CTNNA2: variants seen among roughly 807,000 people sequenced by gnomAD.
The protein encoded by CTNNA2 is catenin alpha 2.
A neutral mutation model predicts 101.0 loss-of-function variants in CTNNA2; 42 were observed. The observed-to-expected ratio is 0.42, with a 90% CI of 0.32 to 0.54. CTNNA2 has a LOEUF of 0.54. CTNNA2 is among the 20% of genes least tolerant of loss of function. The pLI, the probability that CTNNA2 is intolerant of heterozygous loss-of-function variation, is 0.14. For synonymous variants in CTNNA2, 450 were observed against 456.4 expected (o/e 0.99, Z 0.18); for missense variants, 871 against 1,223.1 (o/e 0.71, Z 4.29).
At chr2:79,608,702 T>C (rs188420513) in intron 1 of CTNNA2, among the ~76,000 whole-genome samples, 100 of 152,234 alleles carry the variant, frequency 6.6e-4, no homozygotes, top group Middle Eastern at 6.8e-3. Context: ...TGAAAACTTA[T>C]ATTCATTCAT....
intron 7 of CTNNA2, among the ~76,000 whole-genome samples, chr2:80,165,443 C>T (rs1014012236): frequency 6.6e-6 from 1 of 151,980 alleles, no homozygotes; most frequent in East Asian, 1.9e-4. Context: ...ATATCTTCTA[C>T]TTCTTTGTTG....
chr2:79,979,999 C>G (rs1445134237), intron 7 of CTNNA2, among the ~76,000 whole-genome samples: 2 of 152,186 alleles, frequency 1.3e-5, no homozygotes, highest in African/African-American at 4.8e-5. Flanking sequence ...CCGATGACCT[C>G]TAAGTGCTTC....
chr2:80,635,568 T>C (rs1672783908), intron 18 of CTNNA2, among the ~76,000 whole-genome samples: 2 of 152,172 alleles, frequency 1.3e-5, no homozygotes, highest in Non-Finnish European at 2.9e-5. Flanking sequence ...TAAGAGCTCA[T>C]TCGTTATGAA....
chr2:80,602,744 AT>A (rs968478000), intron 15 of CTNNA2, among the ~76,000 whole-genome samples: 24 of 152,094 alleles, frequency 1.6e-4, no homozygotes, highest in African/African-American at 4.3e-4. Context: ...TACTGTCTGC[AT>A]TTTAAAATCT....
chr2:79,845,613 A>G (rs150303330), intron 3 of CTNNA2, among the ~76,000 whole-genome samples: 15 of 152,232 alleles, frequency 9.9e-5, no homozygotes, highest in African/African-American at 1.9e-4. Context: ...TTAAAAATGT[A>G]TTTTTGAGTT....
In CTNNA2 at chr2:80,604,609, A is replaced by G. The variant is rs188662559; in HGVS notation, c.2295+430A>G. On this transcript the variant is annotated intron_variant, in intron 16 of 18. Transcript: ENST00000402739. ...CTCTTTTGTTTACTTCATGGTGCTT[A>G]TCACATTTAAAAAATATATATTTAT... is the stretch of plus-strand genomic sequence containing the variant. Among the ~76,000 whole-genome samples, 153 of 152,134 alleles carry G rather than the reference A, an allele frequency of 1.0e-3. 1 individual carries two copies. The highest frequency in any genetic ancestry group is 3.1e-3 in the African/African-American group (127 of 41,530).
chr2:80,600,525 C>G (rs1452138093), intron 15 of CTNNA2, among the ~76,000 whole-genome samples: 1 of 151,694 alleles, frequency 6.6e-6, no homozygotes, highest in Non-Finnish European at 1.5e-5. Flanking sequence ...GAAACATATG[C>G]AAAAGATTTG....
chr2:79,598,463 G>A lies in CTNNA2; in HGVS notation c.-5-53089G>A, dbSNP rs2902076. 6.8e-3 allele frequency among the ~76,000 whole-genome samples: 1,035 copies of A among 152,300 alleles called. 10 individuals are homozygous for A. The highest frequency in any genetic ancestry group is 0.026 in the South Asian group (123 of 4,820). On this transcript the variant is annotated intron_variant, in intron 1 of 18. Transcript: ENST00000402739. ...AGAGTTCTTGTTGCTCCACATCCTC[G>A]CCAGCATTTGGTGCTGTCAGTGTTT...
intron 7 of CTNNA2, chr2:80,299,611 ACATGATGT>A (rs1337052334): frequency 1.3e-5 from 2 of 152,174 alleles, no homozygotes; most frequent in Non-Finnish European, 1.5e-5. Flanking sequence ...TCTTCTACAT[ACATGATGT>A]TTAATCATGG....
chr2:79,959,247 CT>C (rs1270022806), intron 7 of CTNNA2, among the ~76,000 whole-genome samples: 2 of 151,952 alleles, frequency 1.3e-5, no homozygotes, highest in East Asian at 1.9e-4. Context: ...AGATTTGTTA[CT>C]TTTTTTTCAT....
At chr2:80,179,251 G>A (rs1327235912) in intron 7 of CTNNA2, among the ~76,000 whole-genome samples, 1 of 152,196 alleles carries the variant, frequency 6.6e-6, no homozygotes, top group East Asian at 1.9e-4. Flanking sequence ...TCACCACTTG[G>A]TTAAACTTAT....
chr2:79,961,603 A>G (rs907354160), intron 7 of CTNNA2, among the ~76,000 whole-genome samples: 1 of 151,898 alleles, frequency 6.6e-6, no homozygotes, highest in Non-Finnish European at 1.5e-5. Context: ...CGGGCGGATC[A>G]CCAGGTCAGG....
At chr2:80,604,828 G>A (rs780001111) in intron 16 of CTNNA2, among the ~76,000 whole-genome samples, 1 of 151,904 alleles carries the variant, frequency 6.6e-6, no homozygotes, top group African/African-American at 2.4e-5. Flanking sequence ...TCTACCAGGA[G>A]TAGAATGGAA....
chr2:79,477,394 C>T (rs1449475959), intron 4 of CTNNA2, among the ~76,000 whole-genome samples: 4 of 152,018 alleles, frequency 2.6e-5, no homozygotes, highest in South Asian at 2.1e-4. Flanking sequence ...TAGTCTCAAA[C>T]TCCTGGCCTC....
At chr2:80,383,639 C>T (rs1008778475) in intron 7 of CTNNA2, among the ~76,000 whole-genome samples, 8 of 152,016 alleles carry the variant, frequency 5.3e-5, no homozygotes, top group South Asian at 2.1e-4. Context: ...GGGAATGGCC[C>T]CTTCCAGTCA....
At chr2:79,415,793 A>G (rs1231653300) in intron 4 of CTNNA2, among the ~76,000 whole-genome samples, 3 of 152,128 alleles carry the variant, frequency 2.0e-5, no homozygotes, top group Non-Finnish European at 4.4e-5. Context: ...CTCACCGTCA[A>G]CAAATGCATA....
chr2:79,224,156 T>C (rs756494191), intron 2 of CTNNA2, among the ~76,000 whole-genome samples: 3 of 152,224 alleles, frequency 2.0e-5, no homozygotes, highest in Non-Finnish European at 2.9e-5. Flanking sequence ...TATATGTATA[T>C]GTATTTGTGT....
At chr2:80,490,760 C>T (rs1194552279) in intron 9 of CTNNA2, among the ~76,000 whole-genome samples, 3 of 152,094 alleles carry the variant, frequency 2.0e-5, no homozygotes, top group African/African-American at 4.8e-5. Flanking sequence ...AATAATTGGT[C>T]GCTGACAATT....
chr2:79,951,752 A>G (rs921437219), intron 7 of CTNNA2, among the ~76,000 whole-genome samples: 4 of 152,200 alleles, frequency 2.6e-5, no homozygotes, highest in African/African-American at 9.6e-5. Flanking sequence ...AGGTTTCTCC[A>G]TTCAAACTAT....
Sources: allele counts gnomAD v4.1 joint callset (sites outside exome capture counted in the v4.1 genomes callset), GRCh38; gene constraint gnomAD v4.1.1; transcripts MANE v1.5; gene names NCBI Gene and HGNC (gene_info 2026-07-23, HGNC 2026-07-21).